The following FAM81A variants were observed in gnomAD, a reference collection of about 807,000 sequenced individuals.
FAM81A encodes the protein family with sequence similarity 81 member A, also known as protein FAM81A.
In FAM81A, 19 loss-of-function variants were observed where a neutral mutation model predicts 46.7. The observed-to-expected ratio is 0.41, with a 90% CI of 0.28 to 0.60. The LOEUF (loss-of-function observed/expected upper bound fraction) is 0.60. Among genes scored for constraint, FAM81A ranks in the 20% least tolerant of loss-of-function variants. FAM81A has a pLI of 0.34. For missense variants in FAM81A, 377 were observed against 453.5 expected, an observed-to-expected ratio of 0.83 and a Z score of 1.53; for synonymous variants, 183 against 152.9, an observed-to-expected ratio of 1.20 and a Z score of -1.45.
intron 2 of FAM81A, among the ~76,000 whole-genome samples, chr15:59,404,716 C>A (rs2081086810): frequency 6.6e-6 from 1 of 152,160 alleles, no homozygotes; most frequent in African/African-American, 2.4e-5. Context: ...CTTGGCCTCC[C>A]AAAGTGCTGG....
At chr15:59,441,172 CTT>C (rs1238189327) in intron 1 of FAM81A, among the ~76,000 whole-genome samples, 1 of 152,220 alleles carries the variant, frequency 6.6e-6, no homozygotes, top group Non-Finnish European at 1.5e-5. Context: ...CTTCTCACCT[CTT>C]TTGGGAACTG....
intron 8 of FAM81A, among the ~76,000 whole-genome samples, chr15:59,519,322 G>A (rs574510972): frequency 6.6e-5 from 10 of 151,936 alleles, no homozygotes; most frequent in African/African-American, 2.2e-4. Flanking sequence ...GCGGGTAGCT[G>A]GGATTGTAGA....
intron 2 of FAM81A, among the ~76,000 whole-genome samples, chr15:59,409,616 G>GA (rs1180398821): frequency 6.6e-6 from 1 of 152,046 alleles, no homozygotes; most frequent in Non-Finnish European, 1.5e-5. Flanking sequence ...AGACAGACGT[G>GA]AAAAAAAGCC....
At chr15:59,415,137 G>A (rs1409063484) in intron 2 of FAM81A, among the ~76,000 whole-genome samples, 3 of 128,076 alleles carry the variant, frequency 2.3e-5, no homozygotes, top group Admixed American at 1.7e-4. Context: ...TTTTCTTTTC[G>A]TGATGAAATT....
chr15:59,460,269 G>T lies in FAM81A; in HGVS notation c.294+63G>T, dbSNP rs1366405108. 1 of 1,607,244 alleles carries T rather than the reference G, an allele frequency of 6.2e-7. No individual in the cohort carries two copies. Among genetic ancestry groups the T allele is most frequent in the South Asian group, 1.1e-5 (1 of 90,598 alleles). ...CCACAGAATTGCTCCATGTCAGGAG[G>T]TCACCCACATCTAACTCCTACCTCC... On this transcript the variant is annotated intron_variant, in intron 3 of 8. Transcript: ENST00000288228. This position sits in a 1 kb window ranked among gnomAD's most constrained non-coding sequence, Gnocchi z 4.4.
chr15:59,481,889 A>C (rs1441261671), intron 3 of FAM81A, among the ~76,000 whole-genome samples: 2 of 151,546 alleles, frequency 1.3e-5, no homozygotes, highest in African/African-American at 2.4e-5. Flanking sequence ...TTGATTTTTG[A>C]TATATTTTTA....
At chr15:59,454,008 TCCTATCACTCCTCAGGG>T (rs1167001713) in intron 1 of FAM81A, among the ~76,000 whole-genome samples, 1 of 152,120 alleles carries the variant, frequency 6.6e-6, no homozygotes, top group Non-Finnish European at 1.5e-5. Flanking sequence ...TCCCACAACT[TCCTATCACTCCTCAGGG>T]CCTGGGGATC....
chr15:59,478,733 C>A (rs990869384), intron 3 of FAM81A, among the ~76,000 whole-genome samples: 2 of 139,552 alleles, frequency 1.4e-5, no homozygotes, highest in Non-Finnish European at 3.1e-5. Flanking sequence ...GAATGGAATT[C>A]GAATATTTAT....
intron 6 of FAM81A, among the ~76,000 whole-genome samples, chr15:59,510,885 C>T (rs140176007): frequency 2.5e-3 from 376 of 150,994 alleles, no homozygotes; most frequent in African/African-American, 8.3e-3. Context: ...TGGTGGTTCG[C>T]GCCCATAATC....
chr15:59,471,411 G>A (rs1286624324), intron 3 of FAM81A, among the ~76,000 whole-genome samples: 1 of 152,026 alleles, frequency 6.6e-6, no homozygotes, highest in Non-Finnish European at 1.5e-5. Context: ...AGTCTGTTTT[G>A]TCTGGTATCA....
At chr15:59,475,965 A>G (rs1224042842) in intron 3 of FAM81A, among the ~76,000 whole-genome samples, 1 of 152,166 alleles carries the variant, frequency 6.6e-6, no homozygotes. Flanking sequence ...AACAACAGAA[A>G]TTTCTTTTTC....
chr15:59,486,753 C>G (rs961119953), intron 3 of FAM81A, among the ~76,000 whole-genome samples: 2 of 152,156 alleles, frequency 1.3e-5, no homozygotes, highest in East Asian at 3.9e-4. Flanking sequence ...GAAAAAAAAA[C>G]TTAGCATAAA....
intron 2 of FAM81A, among the ~76,000 whole-genome samples, chr15:59,404,132 C>T (rs1369988669): frequency 2.6e-5 from 4 of 152,196 alleles, no homozygotes; most frequent in African/African-American, 4.8e-5. Context: ...TCGCCCGCCT[C>T]GGCCTCCCAA....
At chr15:59,422,676 CTG>C (rs2141554373) in intron 2 of FAM81A, among the ~76,000 whole-genome samples, 1 of 152,198 alleles carries the variant, frequency 6.6e-6, no homozygotes, top group South Asian at 2.1e-4. Flanking sequence ...CGGGGTTTCA[CTG>C]TGTTAACCAG....
chr15:59,516,961 A>G (rs2082274273), intron 8 of FAM81A, 121 bp downstream of exon 8: 1 of 961,014 alleles, frequency 1.0e-6, no homozygotes, highest in Non-Finnish European at 1.5e-6. Flanking sequence ...AAATATCCTT[A>G]GTTGATTTTC....
chr15:59,519,004 T>G (rs1043962787), intron 8 of FAM81A, among the ~76,000 whole-genome samples: 1 of 151,546 alleles, frequency 6.6e-6, no homozygotes, highest in African/African-American at 2.4e-5. Context: ...ATGTACTCTT[T>G]TAGCAAAAAT....
chr15:59,457,119 C>T (rs1291592770), intron 1 of FAM81A, among the ~76,000 whole-genome samples: 2 of 152,160 alleles, frequency 1.3e-5, no homozygotes, highest in Admixed American at 6.5e-5. Context: ...CCCCCCTTAT[C>T]GATGGTTTCA....
At chr15:59,442,291 A>G (rs1243032392) in intron 1 of FAM81A, among the ~76,000 whole-genome samples, 2 of 152,162 alleles carry the variant, frequency 1.3e-5, no homozygotes, top group Non-Finnish European at 2.9e-5. Context: ...TAAACCTTTT[A>G]CTTTGAATAA....
intron 2 of FAM81A, among the ~76,000 whole-genome samples, chr15:59,419,238 C>T (rs1457246771): frequency 6.6e-6 from 1 of 152,212 alleles, no homozygotes; most frequent in Admixed American, 6.5e-5. Context: ...AAAACCATCT[C>T]ATTTAACCCT....
Sources: gnomAD v4.1 joint callset for allele counts (sites outside exome capture counted in the v4.1 genomes callset) on GRCh38, gnomAD v4.1.1 for gene constraint, Gnocchi (gnomAD v3.1) non-coding constraint, MANE v1.5 for transcripts, NCBI Gene and HGNC (gene_info 2026-07-23, HGNC 2026-07-21) for gene names.